LALBA: variants seen among roughly 807,000 people sequenced by gnomAD.
The protein encoded by LALBA is lactalbumin alpha.
LALBA carries 12 observed loss-of-function variants against 13.4 expected under a neutral mutation model. That is an observed-to-expected ratio of 0.89 (90% CI 0.57 to 1.45). The LOEUF (loss-of-function observed/expected upper bound fraction) is 1.45. Ranked by LOEUF, LALBA falls within the 40% of genes most tolerant of loss-of-function variation. The probability of loss-of-function intolerance (pLI) is 0.00; values close to 1 mark genes in which losing one functional copy is unlikely to be tolerated. For synonymous variants in LALBA, 64 were observed against 61.0 expected (o/e 1.05, Z -0.23); for missense variants, 145 against 165.9 (o/e 0.87, Z 0.69).
Position 48,567,915 on chromosome 12 carries a change from C to T in LALBA, c.*42G>A, listed in dbSNP as rs1200934450. The T allele has an allele frequency of 6.0e-6, 9 of 1,511,346 alleles. No homozygotes were observed. The highest frequency in any genetic ancestry group is 1.4e-5 in the African/African-American group (1 of 73,110). 93.6% of individuals were successfully genotyped at this position (1,511,346 alleles called of 1,614,324 possible). On this transcript the variant is annotated 3_prime_UTR_variant, in exon 4 of 4. Transcript: ENST00000301046. Reference sequence around the variant, plus strand: ...AGGTGGCATTAGGGAAGAGGTATTCCAGGAGTGTGGAGTGGGCAGGGGTGC... The same window carrying T: ...AGGTGGCATTAGGGAAGAGGTATTCTAGGAGTGTGGAGTGGGCAGGGGTGC...
In LALBA at chr12:48,569,892, A is replaced by G. The variant is rs58503518; in HGVS notation, c.129T>C (p.Pro43=). 4 of 1,613,812 alleles carry G rather than the reference A, an allele frequency of 2.5e-6. No individual in the cohort carries two copies. Among genetic ancestry groups the G allele is most frequent in the Non-Finnish European group, 3.4e-6 (4 of 1,179,910 alleles). Residue 43 remains proline, a synonymous_variant, in exon 1 of 4, where the codon CCT becomes CCC. Transcript: ENST00000301046. ...ACACAGAGGCAGGGAACTCACATTC[A>G]GGCAAAGCGATGCCTCCATAACCAT... ...DIDGYGGIAL[P]ELICTMFHTS...
chr12:48,568,667 C>CA, intron 2 of LALBA, 75 bp from the exon 3 acceptor site: 2 of 866,668 alleles, frequency 2.3e-6, no homozygotes, highest in Non-Finnish European at 3.7e-6. Context: ...TCCCCTAACC[C>CA]CTGGATCCAG....
At chr12:48,569,019 A>G in intron 2 of LALBA, 63 bp downstream of exon 2, 2 of 1,413,134 alleles carry the variant, frequency 1.4e-6, no homozygotes, top group Non-Finnish European at 1.9e-6. Flanking sequence ...GGCACTAAAA[A>G]GGAGATTATC....
chr12:48,571,693 A>G (rs1411328223), upstream of LALBA, among the ~76,000 whole-genome samples: 2 of 152,042 alleles, frequency 1.3e-5, no homozygotes, highest in Non-Finnish European at 2.9e-5. Flanking sequence ...GCTGTTTCTT[A>G]TGTTTCAGGG....
intron 1 of LALBA, among the ~76,000 whole-genome samples, chr12:48,569,629 C>T (rs1938608662): frequency 6.6e-6 from 1 of 152,180 alleles, no homozygotes; most frequent in African/African-American, 2.4e-5. Context: ...AGGAGAATCA[C>T]TTGAACCGAG....
chr12:48,569,003 C>G, intron 2 of LALBA, 79 bp downstream of exon 2: 1 of 1,261,494 alleles, frequency 7.9e-7, no homozygotes, highest in Non-Finnish European at 1.1e-6. Flanking sequence ...AGCCTGAGGT[C>G]TGCTTGGCAC....
Position 48,567,872 on chromosome 12 carries a change from A to C in LALBA, c.*85T>G. 1 of 1,119,342 alleles carries C rather than the reference A, an allele frequency of 8.9e-7. No homozygotes were observed. Among genetic ancestry groups the C allele is most frequent in the Non-Finnish European group, 1.3e-6 (1 of 752,874 alleles). 69.3% of individuals were successfully genotyped at this position (1,119,342 alleles called of 1,614,324 possible). A position where few individuals can be genotyped will look rare whatever the true frequency, so the allele number is the denominator to read the frequency against. On this transcript the variant is annotated 3_prime_UTR_variant, in exon 4 of 4. Coordinates refer to ENST00000301046, the MANE Select transcript of LALBA (RefSeq NM_002289.3). ...TCAGAGACAGATAAGCTTTGGGGGA[A>C]CAGAAAGAAACAAACTGAGGTGGCA...
upstream of LALBA, among the ~76,000 whole-genome samples, chr12:48,570,260 A>C (rs1293256198): frequency 6.6e-6 from 1 of 152,136 alleles, no homozygotes; most frequent in Non-Finnish European, 1.5e-5. Flanking sequence ...GGCCAGAAAG[A>C]GTTCAAACCA....
chr12:48,568,168 G>T, intron 3 of LALBA, 151 bp from the exon 4 acceptor site: 1 of 663,572 alleles, frequency 1.5e-6, no homozygotes. Context: ...GTGGAATACA[G>T]TCCATAAAAA....
At chr12:48,570,981 TAA>T (rs35399476), upstream of LALBA, among the ~76,000 whole-genome samples, 57 of 116,216 alleles carry the variant, frequency 4.9e-4, no homozygotes, top group African/African-American at 6.2e-4. Flanking sequence ...ACCCTATCTT[TAA>T]AAAAAAAAAA....
chr12:48,568,585 C>A lies in LALBA; in HGVS notation c.300G>T (p.Leu100=). 1 of 1,593,842 alleles carries A rather than the reference C, an allele frequency of 6.3e-7. No individual in the cohort carries two copies. The change falls in exon 3 of 4, where the codon CTG becomes CTT. Residue 100 remains leucine (L), a synonymous_variant. Transcript: ENST00000301046. ...NICDISCDKF[L]DDDITDDIMC... ...TTATGTCATCAGTAATGTCATCATC[C>A]AGGAACTCTGGCAGGAGTTACAGGG...
intron 1 of LALBA, 73 bp downstream of exon 1, chr12:48,569,815 G>A (rs927616404): frequency 2.1e-5 from 31 of 1,464,060 alleles, no homozygotes; most frequent in African/African-American, 1.7e-4. Flanking sequence ...GTGGAGGGGC[G>A]AAGTGGAAGA....
Position 48,569,230 on chromosome 12 carries a change from G to A in LALBA, c.144C>T (p.Thr48=), listed in dbSNP as rs1938603098. The change falls in exon 2 of 4, where the codon ACC becomes ACT. Residue 48 remains threonine, a synonymous_variant. Coordinates refer to ENST00000301046, the MANE Select transcript of LALBA (RefSeq NM_002289.3). ...TGTCATAACCACTGGTGTGAAACAT[G>A]GTACAGATCACTGAGGGAAAGATGA... is the stretch of plus-strand genomic sequence containing the variant. ...GGIALPELIC[T]MFHTSGYDTQ... is the part of the protein sequence containing the mutation. The A allele has an allele frequency of 4.3e-6, 7 of 1,611,792 alleles. No individual in the cohort carries two copies. Among genetic ancestry groups the A allele is most frequent in the Non-Finnish European group, 5.9e-6 (7 of 1,178,590 alleles).
chr12:48,567,956 C>T lies in LALBA; in HGVS notation c.*1G>A. 1 of 1,604,736 alleles carries T rather than the reference C, an allele frequency of 6.2e-7. No individual in the cohort carries two copies. The highest frequency in any genetic ancestry group is 8.5e-7 in the Non-Finnish European group (1 of 1,175,928). ...GCAGGGGTGCCAAGGACAGCAGACA[C>T]TCACAACTTCTCACAAAGCCACTGT... On this transcript the variant is annotated 3_prime_UTR_variant, in exon 4 of 4. Transcript: ENST00000301046.
At chr12:48,568,751 T>G (rs563869272) in intron 2 of LALBA, among the ~76,000 whole-genome samples, 159 bp from the exon 3 acceptor site, 2 of 152,294 alleles carry the variant, frequency 1.3e-5, no homozygotes, top group East Asian at 3.9e-4. Flanking sequence ...TGTCTAACCC[T>G]GGGTAGGGAC....
chr12:48,569,837 G>A, intron 1 of LALBA, 51 bp downstream of exon 1: 1 of 1,587,266 alleles, frequency 6.3e-7, no homozygotes, highest in Non-Finnish European at 8.6e-7. Flanking sequence ...AGAGGGGATG[G>A]AGGAGAGAAG....
chr12:48,570,576 A>C (rs773940749), upstream of LALBA, among the ~76,000 whole-genome samples: 35 of 152,146 alleles, frequency 2.3e-4, no homozygotes, highest in Non-Finnish European at 3.4e-4. Context: ...GTAGCTCATG[A>C]CTGAAGGCTC....
chr12:48,569,070 G>C lies in LALBA; in HGVS notation c.292+12C>G. On this transcript the variant is annotated intron_variant, in intron 2 of 3. Transcript: ENST00000301046. ...AGAAAAACAGAGAAAGAGGGTTATA[G>C]GGGCTACTCACTGTCACAGGAGATG... The C allele has an allele frequency of 1.2e-6, 2 of 1,601,864 alleles. No homozygotes were observed. The highest frequency in any genetic ancestry group is 1.1e-5 in the South Asian group (1 of 88,836).
In LALBA at chr12:48,567,996, G is replaced by A. The variant is rs759483679; in HGVS notation, c.390C>T (p.Cys130=). 15 of 1,603,022 alleles carry A rather than the reference G, an allele frequency of 9.4e-6. No homozygotes were observed. The highest frequency in any genetic ancestry group is 1.1e-5 in the Non-Finnish European group (13 of 1,174,950). Residue 130 remains cysteine (C), a synonymous_variant, in exon 4 of 4, where the codon TGC becomes TGT. Coordinates refer to ENST00000301046, the MANE Select transcript of LALBA (RefSeq NM_002289.3). ...IDYWLAHKAL[C]TEKLEQWLCE... ...AAAGCCACTGTTCCAGCTTCTCAGT[G>A]CAGAGGGCTTTATGGGCCAACCTGA...
Sources: gnomAD v4.1 joint callset for allele counts (sites outside exome capture counted in the v4.1 genomes callset) on GRCh38, gnomAD v4.1.1 for gene constraint, MANE v1.5 for transcripts, NCBI Gene and HGNC (gene_info 2026-07-23, HGNC 2026-07-21) for gene names.